The following ABCC6 variants were observed in gnomAD, a reference collection of about 807,000 sequenced individuals.
ABCC6 encodes ATP-binding cassette sub-family C member 6.
ABCC6 carries 126 observed loss-of-function variants against 169.5 expected under a neutral mutation model. The observed-to-expected ratio is 0.74, with a 90% CI of 0.64 to 0.86. The LOEUF is 0.86. ABCC6 is among the 40% of genes least tolerant of loss of function. The probability of loss-of-function intolerance (pLI) is 0.00; values close to 1 mark genes in which losing one functional copy is unlikely to be tolerated. For synonymous variants in ABCC6, 752 were observed against 814.7 expected, an observed-to-expected ratio of 0.92 and a Z score of 1.31; for missense variants, 1,733 against 1,927.2, an observed-to-expected ratio of 0.90 and a Z score of 1.89.
chr16:16,189,480 T>A (rs1235391917), intron 12 of ABCC6, among the ~76,000 whole-genome samples: 2 of 151,396 alleles, frequency 1.3e-5, no homozygotes, highest in Admixed American at 1.3e-4. Flanking sequence ...TACAGTGGCA[T>A]GATCTCGGCT....
At chr16:16,197,754 G>A (rs1207702960) in intron 10 of ABCC6, among the ~76,000 whole-genome samples, 6 of 148,098 alleles carry the variant, frequency 4.1e-5, no homozygotes, top group African/African-American at 1.5e-4. Context: ...CAGAGGGAGA[G>A]GGGAGGAAGC....
chr16:16,188,001 G>A (rs1231227852), intron 13 of ABCC6, among the ~76,000 whole-genome samples: 2 of 152,008 alleles, frequency 1.3e-5, no homozygotes, highest in African/African-American at 2.4e-5. Flanking sequence ...GGAGGCTGAG[G>A]CGGGCTTATT....
chr16:16,176,124 A>C, intron 19 of ABCC6, 138 bp from the exon 20 acceptor site: 4 of 773,650 alleles, frequency 5.2e-6, no homozygotes, highest in Non-Finnish European at 9.2e-6. Flanking sequence ...AACCTCTCTC[A>C]ACACCCCACT....
At chr16:16,180,416 T>A (rs143403370) in intron 17 of ABCC6, among the ~76,000 whole-genome samples, 78 of 152,326 alleles carry the variant, frequency 5.1e-4, no homozygotes, top group African/African-American at 1.8e-3. Context: ...AACTATAATT[T>A]CCCTTGTGCA....
chr16:16,155,998 C>G (rs1345157405), intron 27 of ABCC6, among the ~76,000 whole-genome samples: 3 of 152,304 alleles, frequency 2.0e-5, no homozygotes, highest in Admixed American at 6.5e-5. Context: ...TCACTGCAAC[C>G]TCCACCTCCC....
chr16:16,166,506 T>C (rs1235609481), intron 22 of ABCC6, among the ~76,000 whole-genome samples: 2 of 151,624 alleles, frequency 1.3e-5, no homozygotes, highest in Non-Finnish European at 2.9e-5. Flanking sequence ...GGAGGGTGTA[T>C]CTACAAGCCA....
chr16:16,176,279 A>G (rs1330342553), intron 19 of ABCC6, among the ~76,000 whole-genome samples: 2 of 152,180 alleles, frequency 1.3e-5, no homozygotes, highest in African/African-American at 2.4e-5. Context: ...GTTTCCCCCA[A>G]CAGCCTTGCT....
rs147308589 is a variant in ABCC6, at chr16:16,150,033, C to T, written c.*100G>A. 1.1e-4 allele frequency: 166 copies of T among 1,527,238 alleles called. No homozygotes were observed. In the East Asian group the frequency reaches 2.6e-3, roughly 24 times the overall value. 94.6% of individuals were successfully genotyped at this position (1,527,238 alleles called of 1,614,324 possible). On this transcript the variant is annotated 3_prime_UTR_variant, in exon 31 of 31. Transcript: ENST00000205557. Reference sequence around the variant, plus strand: ...CAGAGAGCAAACACAGGTCTAGACTCAATATCGTGTGGAGCTATCGATGAC... The same window carrying T: ...CAGAGAGCAAACACAGGTCTAGACTTAATATCGTGTGGAGCTATCGATGAC...
At chr16:16,155,239 C>G in intron 27 of ABCC6, 1 of 632,108 alleles carries the variant, frequency 1.6e-6, no homozygotes. Flanking sequence ...TCTATCTTTC[C>G]CTTATCCTGA....
chr16:16,182,291 C>A, intron 17 of ABCC6, 121 bp downstream of exon 17: 2 of 1,335,956 alleles, frequency 1.5e-6, no homozygotes, highest in South Asian at 1.2e-5. Flanking sequence ...AGCCCTTTTT[C>A]TCCGCTACTT....
chr16:16,166,154 G>A (rs928124277), intron 22 of ABCC6, among the ~76,000 whole-genome samples: 5 of 152,258 alleles, frequency 3.3e-5, no homozygotes, highest in Admixed American at 6.5e-5. Context: ...GCACTCAAGC[G>A]ATCCTCCCGC....
At chr16:16,171,492 G>A (rs752326335) in intron 21 of ABCC6, among the ~76,000 whole-genome samples, 3 of 152,284 alleles carry the variant, frequency 2.0e-5, no homozygotes, top group Non-Finnish European at 2.9e-5. Context: ...ACCAGACTTA[G>A]CCTGGCACAT....
Position 16,214,323 on chromosome 16 carries a change from C to CA in ABCC6, c.600dup (p.Asn201Ter). 6.4e-7 allele frequency: 1 copy of CA among 1,550,790 alleles called. No individual in the cohort carries two copies. The highest frequency in any genetic ancestry group is 1.2e-5 in the South Asian group (1 of 84,036). ...AATGAGGTTGGAACTTGGTGACTTA[C>CA]AGACTGCTGGGGGTCTTCAGGGAAG... is the stretch of plus-strand genomic sequence containing the variant. On this transcript the variant is annotated frameshift_variant and splice_region_variant. Transcript: ENST00000205557. LOFTEE classifies it high-confidence loss of function.
At chr16:16,215,336 A>G (rs1291156862) in intron 4 of ABCC6, among the ~76,000 whole-genome samples, 4 of 152,276 alleles carry the variant, frequency 2.6e-5, no homozygotes, top group Non-Finnish European at 5.9e-5. Context: ...TCCTGCTGCC[A>G]CACCACAATG....
chr16:16,203,707 T>A, intron 7 of ABCC6, 94 bp from the exon 8 acceptor site: 1 of 1,353,812 alleles, frequency 7.4e-7, no homozygotes, highest in South Asian at 1.2e-5. Context: ...TTCCCAACAG[T>A]GGAGATGGGT....
chr16:16,168,302 G>GGCT (rs1232942589), intron 22 of ABCC6, among the ~76,000 whole-genome samples: 15 of 151,608 alleles, frequency 9.9e-5, no homozygotes, highest in South Asian at 2.1e-4. Context: ...ACCAGCCTGG[G>GGCT]CAACACGGCG....
chr16:16,178,361 G>C (rs916023491), intron 18 of ABCC6, among the ~76,000 whole-genome samples: 1 of 151,976 alleles, frequency 6.6e-6, no homozygotes, highest in African/African-American at 2.4e-5. Flanking sequence ...TTACACACAT[G>C]TGCTTGGCCA....
At chr16:16,178,719 T>A (rs2047369888) in intron 18 of ABCC6, 79 bp downstream of exon 18, 4 of 1,548,838 alleles carry the variant, frequency 2.6e-6, no homozygotes, top group Non-Finnish European at 3.6e-6. Flanking sequence ...GGAGGTGAGA[T>A]AAACTTGGGT....
rs780909519 is a variant in ABCC6, at chr16:16,165,703, C to A, written c.3226G>T (p.Val1076Phe). Residue 1076 changes from valine (V) to phenylalanine (F), a missense_variant, in exon 23 of 31, where the codon GTC becomes TTC. Physicochemically the swap from Val to Phe is conservative, Grantham distance 50. This residue lies in a region of ABCC6 where 1,601 missense variants were observed against 1,635.5 expected (regional missense o/e 0.98). Transcript: ENST00000205557. ...GTAGCCACTGCCACCACCAGGCTGA[C>A]CTCCAGGAGTCCAAAGGCGTACATC... ...LLMYAFGLLE[V>F]SLVVAVATPL... The A allele has an allele frequency of 6.8e-6, 11 of 1,613,332 alleles. No individual in the cohort carries two copies. In the East Asian group the frequency reaches 2.2e-4, roughly 33 times the overall value.
Sources: allele counts gnomAD v4.1 joint callset (sites outside exome capture counted in the v4.1 genomes callset), GRCh38; gene constraint gnomAD v4.1.1; regional missense constraint gnomAD v4.1.1; transcripts MANE v1.5; gene names NCBI Gene and HGNC (gene_info 2026-07-23, HGNC 2026-07-21).